Variants in NPHP4 observed in about 807,000 individuals in gnomAD.
NPHP4 encodes the protein nephrocystin-4.
NPHP4 carries 151 observed loss-of-function variants against 155.8 expected under a neutral mutation model. That is an observed-to-expected ratio of 0.97 (90% CI 0.85 to 1.11). NPHP4 has a LOEUF of 1.11. Among genes scored for constraint, NPHP4 ranks in the 50% least tolerant of loss-of-function variants. The pLI is 0.00. For synonymous variants in NPHP4, 845 were observed against 816.8 expected, an observed-to-expected ratio of 1.03 and a Z score of -0.59; for missense variants, 1,956 against 1,925.7, an observed-to-expected ratio of 1.02 and a Z score of -0.29.
chr1:5,925,178 T>C (rs1645933524), intron 11 of NPHP4, among the ~76,000 whole-genome samples: 1 of 152,292 alleles, frequency 6.6e-6, no homozygotes, highest in Non-Finnish European at 1.5e-5. Flanking sequence ...CAGCCTTGGA[T>C]TGAAAATATT....
intron 15 of NPHP4, 69 bp from the exon 16 acceptor site, chr1:5,904,873 T>C: frequency 6.8e-7 from 1 of 1,477,180 alleles, no homozygotes; most frequent in Non-Finnish European, 9.4e-7. Flanking sequence ...CTAATGTGTG[T>C]TTGCATAGGG....
chr1:5,909,301 T>C, intron 11 of NPHP4, 88 bp from the exon 12 acceptor site: 1 of 1,005,230 alleles, frequency 9.9e-7, no homozygotes. Flanking sequence ...CAGTCAGGTC[T>C]CCACAGGCCT....
intron 11 of NPHP4, among the ~76,000 whole-genome samples, chr1:5,922,136 C>T (rs1366716222): frequency 1.3e-5 from 2 of 152,188 alleles, no homozygotes; most frequent in African/African-American, 4.8e-5. Flanking sequence ...TACATGGCTG[C>T]CTTTGAAGAT....
chr1:5,972,841 C>A (rs1652826459), intron 3 of NPHP4, among the ~76,000 whole-genome samples: 1 of 152,026 alleles, frequency 6.6e-6, no homozygotes, highest in Non-Finnish European at 1.5e-5. Flanking sequence ...GCACCCATCA[C>A]CCGAGCAGTA....
chr1:5,989,335 T>C (rs1248420488), intron 1 of NPHP4, among the ~76,000 whole-genome samples: 1 of 152,202 alleles, frequency 6.6e-6, no homozygotes, highest in African/African-American at 2.4e-5. Context: ...ATCATACAGC[T>C]GTCCACGACT....
chr1:5,926,972 G>T (rs1646037508), intron 11 of NPHP4, among the ~76,000 whole-genome samples: 1 of 152,204 alleles, frequency 6.6e-6, no homozygotes, highest in African/African-American at 2.4e-5. Flanking sequence ...CATTCAGGTG[G>T]ACTACTCCAA....
chr1:5,895,261 A>T (rs1401918002), intron 16 of NPHP4, among the ~76,000 whole-genome samples: 1 of 152,164 alleles, frequency 6.6e-6, no homozygotes, highest in Non-Finnish European at 1.5e-5. Flanking sequence ...GCAGCACACC[A>T]ACATGGCACA....
rs182316542 is a variant in NPHP4, at chr1:5,874,072, T to C, written c.3231+399A>G. Among the ~76,000 whole-genome samples, 633 of 152,178 alleles carry C rather than the reference T, an allele frequency of 4.2e-3. 5 individuals carry two copies. Among genetic ancestry groups the C allele is most frequent in the African/African-American group, 0.014 (586 of 41,498 alleles). ...CCTGCACACATGCTCCCTGCACGCA[T>C]GCTCCCCGCACACATGCCTGCAAAG... On this transcript the variant is annotated intron_variant, in intron 22 of 29. Transcript: ENST00000378156.
rs1390981632 is a variant in NPHP4, at chr1:5,944,002, G to A, written c.1119+3102C>T. On this transcript the variant is annotated intron_variant, in intron 9 of 29. Transcript: ENST00000378156. The surrounding 1 kb of genome is among the most constrained non-coding windows in gnomAD (Gnocchi z 4.3). ...GGAGCGCACCACATGCTTCTCCACT[G>A]TTAGCTTTGAAATTTCCCAAAATAA... Among the ~76,000 whole-genome samples, 1 of 152,006 alleles carries A rather than the reference G, an allele frequency of 6.6e-6. No individual in the cohort carries two copies. The highest frequency in any genetic ancestry group is 1.5e-5 in the Non-Finnish European group (1 of 68,024).
chr1:5,915,683 C>T (rs994300724), intron 11 of NPHP4, among the ~76,000 whole-genome samples: 4 of 152,104 alleles, frequency 2.6e-5, no homozygotes, highest in African/African-American at 4.8e-5. Flanking sequence ...TGGGGAGTTC[C>T]GTGACTTGCC....
chr1:5,867,897 C>A lies in NPHP4; in HGVS notation c.3316-1G>T. On this transcript the variant is annotated splice_acceptor_variant, in intron 23 of 29. Transcript: ENST00000378156. LOFTEE classifies it high-confidence loss of function. The surrounding 1 kb of genome is among the most constrained non-coding windows in gnomAD (Gnocchi z 4.1). ...TGCCACCACTCGCTCGGAACAAGAC[C>A]TGTGAGGAGGCCACGCTGAGTGTTG... 1 of 1,614,004 alleles carries A rather than the reference C, an allele frequency of 6.2e-7. No individual in the cohort carries two copies. The highest frequency in any genetic ancestry group is 8.5e-7 in the Non-Finnish European group (1 of 1,179,892).
chr1:5,893,393 T>C (rs937774735), intron 16 of NPHP4, among the ~76,000 whole-genome samples: 3 of 152,148 alleles, frequency 2.0e-5, no homozygotes, highest in Non-Finnish European at 4.4e-5. Flanking sequence ...TCTCCAATGA[T>C]AGGTAAGGTC....
intron 9 of NPHP4, 96 bp from the exon 10 acceptor site, chr1:5,933,425 G>A (rs746529737): frequency 9.9e-7 from 1 of 1,011,762 alleles, no homozygotes; most frequent in East Asian, 2.6e-5. Flanking sequence ...AATTCAACGA[G>A]AGCTCAGTGT....
intron 26 of NPHP4, chr1:5,866,006 C>G: frequency 3.7e-6 from 1 of 269,214 alleles, no homozygotes; most frequent in South Asian, 4.6e-5. Context: ...ACAGTCCTGC[C>G]TCTCCGCAGG....
At chr1:5,931,760 T>G (rs1280478713) in intron 10 of NPHP4, among the ~76,000 whole-genome samples, 1 of 139,942 alleles carries the variant, frequency 7.1e-6, no homozygotes, top group African/African-American at 2.6e-5. Context: ...AAAAAAAAAC[T>G]TTCTTGCTAA....
rs559891459 is a variant in NPHP4 at position 5,910,571 on chromosome 1, G to C, written c.1442-1358C>G. Among the ~76,000 whole-genome samples, 429 of 152,240 alleles carry C rather than the reference G, an allele frequency of 2.8e-3. 1 individual carries two copies. The highest frequency in any genetic ancestry group is 0.017 in the Middle Eastern group (5 of 294). ...ACAGAGCACAGGCCGGCACTTACGG[G>C]ACCTACGGACCAAGCACACAGCACA... On this transcript the variant is annotated intron_variant, in intron 11 of 29. Transcript: ENST00000378156. The surrounding 1 kb of genome is among the most constrained non-coding windows in gnomAD (Gnocchi z 5.4).
At chr1:5,911,571 A>G (rs1330554125) in intron 11 of NPHP4, among the ~76,000 whole-genome samples, 3 of 152,214 alleles carry the variant, frequency 2.0e-5, no homozygotes, top group East Asian at 1.9e-4. Flanking sequence ...TACAGTGTGG[A>G]AAGTTTTTTC....
chr1:5,990,132 C>A (rs1392941911), intron 1 of NPHP4, among the ~76,000 whole-genome samples: 5 of 152,216 alleles, frequency 3.3e-5, no homozygotes, highest in Admixed American at 3.3e-4. Flanking sequence ...CTTTCCACCT[C>A]TGCTCTGGCC....
chr1:5,894,726 A>T (rs1323408750), intron 16 of NPHP4, among the ~76,000 whole-genome samples: 1 of 152,206 alleles, frequency 6.6e-6, no homozygotes, highest in Non-Finnish European at 1.5e-5. Flanking sequence ...ACCAAAAATC[A>T]AGGAGAAATG....
Sources: gnomAD v4.1 joint callset for allele counts (sites outside exome capture counted in the v4.1 genomes callset) on GRCh38, gnomAD v4.1.1 for gene constraint, Gnocchi (gnomAD v3.1) non-coding constraint, MANE v1.5 for transcripts, NCBI Gene and HGNC (gene_info 2026-07-23, HGNC 2026-07-21) for gene names.